Variants in ARSG observed in about 807,000 individuals in gnomAD.
ARSG encodes the protein ASG.
Under a neutral mutation model 50.5 loss-of-function variants are expected in ARSG, and 37 were observed. The observed-to-expected ratio is 0.73, with a 90% CI of 0.56 to 0.96. The LOEUF (loss-of-function observed/expected upper bound fraction) is 0.96, where lower values mean the gene tolerates loss of function less well. Among genes scored for constraint, ARSG ranks in the 50% least tolerant of loss-of-function variants. The pLI is 0.00. For synonymous variants in ARSG, 225 were observed against 254.6 expected, an observed-to-expected ratio of 0.88 and a Z score of 1.11; for missense variants, 629 against 675.3, an observed-to-expected ratio of 0.93 and a Z score of 0.76.
At chr17:68,308,410 C>T (rs1271541517) in intron 2 of ARSG, among the ~76,000 whole-genome samples, 3 of 151,898 alleles carry the variant, frequency 2.0e-5, no homozygotes, top group Admixed American at 6.6e-5. Flanking sequence ...CAGACCTTCA[C>T]GGTGAGTGTT....
At chr17:68,278,373 G>A in intron 1 of ARSG, 5 of 1,242,920 alleles carry the variant, frequency 4.0e-6, no homozygotes, top group African/African-American at 1.5e-5. Flanking sequence ...ATAGCATGAG[G>A]ATCGATGATT....
intron 1 of ARSG, chr17:68,267,113 G>C (rs1277764100): frequency 6.6e-6 from 1 of 152,102 alleles, no homozygotes; most frequent in Non-Finnish European, 1.5e-5. Flanking sequence ...AATCTTGTTT[G>C]TATTTTCTTC....
chr17:68,347,984 TG>T (rs1444867346), intron 4 of ARSG, among the ~76,000 whole-genome samples: 2 of 152,326 alleles, frequency 1.3e-5, no homozygotes, highest in Admixed American at 1.3e-4. Flanking sequence ...AGGTTTGCAT[TG>T]GAAGATTTTT....
rs530308341 is a variant in ARSG, at chr17:68,311,359, C to T, written c.218+3648C>T. Among the ~76,000 whole-genome samples the T allele has an allele frequency of 1.5e-4, 23 of 152,242 alleles. No homozygotes were observed. In the South Asian group the frequency reaches 1.7e-3, roughly 11 times the overall value. ...GGCCTCAGGAAAGCTTTCGTGGATG[C>T]CTCGGGTGTTCTGTGATGGTCCTTG... On this transcript the variant is annotated intron_variant, in intron 2 of 11. Transcript: ENST00000621439.
chr17:68,368,300 T>C (rs2079649068), intron 6 of ARSG, among the ~76,000 whole-genome samples: 1 of 152,250 alleles, frequency 6.6e-6, no homozygotes, highest in Non-Finnish European at 1.5e-5. Flanking sequence ...CTAGACAATG[T>C]GATTCCCATA....
At chr17:68,319,524 A>G (rs2077196857) in intron 2 of ARSG, among the ~76,000 whole-genome samples, 1 of 152,256 alleles carries the variant, frequency 6.6e-6, no homozygotes, top group Non-Finnish European at 1.5e-5. Flanking sequence ...AGCCAATCTT[A>G]GAGAAAAGAA....
At chr17:68,316,481 A>T (rs571542847) in intron 2 of ARSG, among the ~76,000 whole-genome samples, 57 of 152,312 alleles carry the variant, frequency 3.7e-4, no homozygotes, top group African/African-American at 1.1e-3. Flanking sequence ...GTGCTCAAAC[A>T]ATAATTGTTC....
chr17:68,426,253 G>GGGGT, downstream of ARSG: 7 of 841,006 alleles, frequency 8.3e-6, 2 homozygotes, highest in South Asian at 2.6e-5. Context: ...GGGGAGCGGG[G>GGGGT]GCTCAAATAA....
chr17:68,283,522 GAA>G (rs368039909), intron 1 of ARSG, among the ~76,000 whole-genome samples: 4 of 112,162 alleles, frequency 3.6e-5, no homozygotes, highest in Admixed American at 1.9e-4. Context: ...CTCCGTATCA[GAA>G]AAAAAAAAAA....
intron 1 of ARSG, chr17:68,278,207 G>T (rs782176622): frequency 1.9e-5 from 30 of 1,614,016 alleles, no homozygotes; most frequent in Non-Finnish European, 8.5e-7. Flanking sequence ...TGATGCCGTA[G>T]GTGAAGACTT....
intron 8 of ARSG, among the ~76,000 whole-genome samples, chr17:68,384,017 C>T (rs1370828335): frequency 1.3e-5 from 2 of 152,166 alleles, no homozygotes; most frequent in African/African-American, 2.4e-5. Context: ...TCAAAGGTTC[C>T]GTTTGCAACA....
At chr17:68,355,257 TAA>T in intron 5 of ARSG, among the ~76,000 whole-genome samples, 1 of 152,192 alleles carries the variant, frequency 6.6e-6, no homozygotes, top group African/African-American at 2.4e-5. Flanking sequence ...GGAGCTTAAG[TAA>T]CTTGCCAGAG....
chr17:68,296,785 T>G (rs2076224075), intron 1 of ARSG, among the ~76,000 whole-genome samples: 1 of 152,138 alleles, frequency 6.6e-6, no homozygotes, highest in Non-Finnish European at 1.5e-5. Context: ...CCTTCTCTCA[T>G]AGTGTGTATA....
At chr17:68,346,481 G>A (rs553746814) in intron 3 of ARSG, among the ~76,000 whole-genome samples, 7 of 152,336 alleles carry the variant, frequency 4.6e-5, no homozygotes, top group East Asian at 1.9e-4. Flanking sequence ...TGGGGGTGGC[G>A]TCCCTGGGGT....
At chr17:68,309,352 G>C (rs1307492293) in intron 2 of ARSG, among the ~76,000 whole-genome samples, 4 of 152,240 alleles carry the variant, frequency 2.6e-5, no homozygotes, top group Admixed American at 2.0e-4. Context: ...CTAGAAAGGG[G>C]ATCCTACAGT....
chr17:68,407,089 GC>G (rs1181528410), intron 11 of ARSG, among the ~76,000 whole-genome samples: 3 of 152,154 alleles, frequency 2.0e-5, no homozygotes, highest in African/African-American at 7.2e-5. Context: ...CCTACATGTG[GC>G]TAGCCAATTA....
downstream of ARSG, among the ~76,000 whole-genome samples, chr17:68,424,925 G>T (rs766499346): frequency 3.3e-5 from 5 of 152,212 alleles, no homozygotes; most frequent in Non-Finnish European, 7.3e-5. Context: ...ATGATTTCAG[G>T]TTGACTATCT....
At chr17:68,384,038 A>T (rs1329962081) in intron 8 of ARSG, among the ~76,000 whole-genome samples, 1 of 152,226 alleles carries the variant, frequency 6.6e-6, no homozygotes, top group African/African-American at 2.4e-5. Flanking sequence ...GTGCTAGTAC[A>T]GGGCGACAGA....
At chr17:68,394,247 C>T (rs759389287) in intron 9 of ARSG, among the ~76,000 whole-genome samples, 1 of 152,066 alleles carries the variant, frequency 6.6e-6, no homozygotes. Flanking sequence ...GGCCACAGTT[C>T]ATGGTAAGTA....
Sources: allele counts gnomAD v4.1 joint callset (sites outside exome capture counted in the v4.1 genomes callset), GRCh38; gene constraint gnomAD v4.1.1; transcripts MANE v1.5; gene names NCBI Gene and HGNC (gene_info 2026-07-23, HGNC 2026-07-21).